The following BPIFB1 variants were observed in gnomAD, a reference collection of about 807,000 sequenced individuals.
BPIFB1 encodes the protein BPI fold-containing family B member 1.
BPIFB1 carries 34 observed loss-of-function variants against 55.1 expected under a neutral mutation model. The observed-to-expected ratio is 0.62, with a 90% CI of 0.47 to 0.82. The LOEUF (loss-of-function observed/expected upper bound fraction) is 0.82. Among genes scored for constraint, BPIFB1 ranks in the 40% least tolerant of loss-of-function variants. The probability of loss-of-function intolerance (pLI) is 0.00; values close to 1 mark genes in which losing one functional copy is unlikely to be tolerated. For missense variants in BPIFB1, 532 were observed against 593.1 expected (o/e 0.90, Z 1.07); for synonymous variants, 236 against 245.3 (o/e 0.96, Z 0.35).
intron 7 of BPIFB1, among the ~76,000 whole-genome samples, chr20:33,298,291 G>A (rs530915827): frequency 6.6e-6 from 1 of 152,312 alleles, no homozygotes; most frequent in South Asian, 2.1e-4. Context: ...GAGATGATTC[G>A]AAGGGCAAAG....
chr20:33,303,344 T>C (rs543624849), intron 11 of BPIFB1, among the ~76,000 whole-genome samples: 2 of 152,274 alleles, frequency 1.3e-5, no homozygotes, highest in African/African-American at 2.4e-5. Flanking sequence ...CTAGATGCTA[T>C]TGACTTCGGG....
chr20:33,292,677 A>C (rs1250179767), intron 6 of BPIFB1, among the ~76,000 whole-genome samples: 1 of 151,588 alleles, frequency 6.6e-6, no homozygotes, highest in Non-Finnish European at 1.5e-5. Flanking sequence ...TCAGGGCTGC[A>C]CCACCCACCA....
intron 6 of BPIFB1, among the ~76,000 whole-genome samples, 158 bp downstream of exon 6, chr20:33,292,146 G>A (rs1021129974): frequency 6.6e-6 from 1 of 152,228 alleles, no homozygotes; most frequent in Admixed American, 6.5e-5. Context: ...GGAGTGGGGT[G>A]GGCCATTGAC....
intron 2 of BPIFB1, among the ~76,000 whole-genome samples, chr20:33,286,826 C>A (rs1374501718): frequency 9.9e-5 from 15 of 152,252 alleles, no homozygotes; most frequent in African/African-American, 3.6e-4. Flanking sequence ...CCTAACCCAA[C>A]TGTGACAACC....
intron 8 of BPIFB1, 60 bp from the exon 9 acceptor site, chr20:33,301,173 T>G: frequency 6.6e-7 from 1 of 1,504,294 alleles, no homozygotes. Context: ...CCTTCTAGGT[T>G]GCTATTGGGT....
intron 5 of BPIFB1, among the ~76,000 whole-genome samples, chr20:33,291,603 G>C (rs896737896): frequency 1.3e-5 from 2 of 152,194 alleles, no homozygotes; most frequent in African/African-American, 2.4e-5. Context: ...GCGCATGGTG[G>C]TGCCAAAAAA....
Position 33,309,766 on chromosome 20 carries a change from G to A in BPIFB1, c.1454G>A (p.Ter485=). 3.1e-6 allele frequency: 5 copies of A among 1,613,910 alleles called. No homozygotes were observed. The highest frequency in any genetic ancestry group is 4.2e-6 in the Non-Finnish European group (5 of 1,179,764). The change falls in exon 16 of 16, where the codon TGA becomes TAA. Residue 485 remains the stop codon, a stop_retained_variant. Coordinates refer to ENST00000253354, the MANE Select transcript of BPIFB1 (RefSeq NM_033197.3). The surrounding 1 kb of genome is among the most constrained non-coding windows in gnomAD (Gnocchi z 4.4). ...LWKPSSPVSQ[*] Reference sequence around the variant, plus strand: ...AAACCCAGCTCTCCTGTCTCCCAGTGAAGACTTGGATGGCAGCCATCAGGG... The same window carrying A: ...AAACCCAGCTCTCCTGTCTCCCAGTAAAGACTTGGATGGCAGCCATCAGGG...
intron 6 of BPIFB1, among the ~76,000 whole-genome samples, chr20:33,293,120 G>A (rs1013491041): frequency 2.6e-5 from 4 of 152,070 alleles, no homozygotes; most frequent in East Asian, 1.9e-4. Flanking sequence ...CAAGGTTTTC[G>A]CCATGTTGGC....
intron 6 of BPIFB1, among the ~76,000 whole-genome samples, chr20:33,296,156 G>A (rs1980647111): frequency 6.6e-6 from 1 of 152,186 alleles, no homozygotes; most frequent in African/African-American, 2.4e-5. Context: ...TAGTATCCCA[G>A]AGGACTCTAC....
At chr20:33,299,218 C>A (rs1980762432) in intron 7 of BPIFB1, 3 of 455,006 alleles carry the variant, frequency 6.6e-6, no homozygotes, top group Non-Finnish European at 1.3e-5. Flanking sequence ...CCGGAGGTCT[C>A]CCTGGAGCGG....
chr20:33,288,622 C>T, intron 2 of BPIFB1, 119 bp from the exon 3 acceptor site: 1 of 1,214,748 alleles, frequency 8.2e-7, no homozygotes, highest in Non-Finnish European at 1.2e-6. Context: ...GTAGAGATGG[C>T]TACACCCTCG....
chr20:33,283,493 T>C (rs888844872), intron 1 of BPIFB1, among the ~76,000 whole-genome samples: 7 of 152,160 alleles, frequency 4.6e-5, no homozygotes, highest in Non-Finnish European at 8.8e-5. Flanking sequence ...GACCTCTTCC[T>C]AGTGACATAA....
chr20:33,292,018 T>C lies in BPIFB1; in HGVS notation c.597+30T>C, dbSNP rs940203184. The C allele has an allele frequency of 2.7e-5, 44 of 1,601,498 alleles. No individual in the cohort carries two copies. In the African/African-American group the frequency reaches 2.8e-4, roughly 10 times the overall value. On this transcript the variant is annotated intron_variant, in intron 6 of 15. Transcript: ENST00000253354. Reference sequence around the variant, plus strand: ...GTGGAATCAGGGCCTCTCTGGCCTGTGGGCATTGCGCCCCCTGTGGGGCTT... The same window carrying C: ...GTGGAATCAGGGCCTCTCTGGCCTGCGGGCATTGCGCCCCCTGTGGGGCTT...
At chr20:33,291,194 C>T (rs546301094) in intron 5 of BPIFB1, 88 bp downstream of exon 5, 51 of 1,494,370 alleles carry the variant, frequency 3.4e-5, no homozygotes, top group Middle Eastern at 1.7e-4. Flanking sequence ...AAATGGAGAA[C>T]GCTGAGGCCT....
rs1217224622 is a variant in BPIFB1, at chr20:33,299,769, T to C, written c.662-130T>C. ...ACTGTTTGCATCATTATTATCAACATCATTATTACCTGCTCCTCCCTACCT... is the reference window on the plus strand; with the variant it reads ...ACTGTTTGCATCATTATTATCAACACCATTATTACCTGCTCCTCCCTACCT... On this transcript the variant is annotated intron_variant, in intron 7 of 15. Coordinates refer to ENST00000253354, the MANE Select transcript of BPIFB1 (RefSeq NM_033197.3). 4 of 703,758 alleles carry C rather than the reference T, an allele frequency of 5.7e-6. No homozygotes were observed. The African/African-American group carries it at 7.0e-5, about 12-fold the overall frequency. 43.6% of individuals were successfully genotyped at this position (703,758 alleles called of 1,614,324 possible). A position where few individuals can be genotyped will look rare whatever the true frequency, so the allele number is the denominator to read the frequency against.
rs970814448 is a variant in BPIFB1, at chr20:33,301,217, T to G, written c.748-16T>G. On this transcript the variant is annotated splice_polypyrimidine_tract_variant and intron_variant, in intron 8 of 15. Transcript: ENST00000253354. Reference sequence around the variant, plus strand: ...GAGTTAAAATTCTTAGCTGACTCCCTGCTCTGTCTCCTCAGGCCAAGTTGT... The same window carrying G: ...GAGTTAAAATTCTTAGCTGACTCCCGGCTCTGTCTCCTCAGGCCAAGTTGT... The G allele has an allele frequency of 1.2e-6, 2 of 1,610,792 alleles. No individual in the cohort carries two copies.
Position 33,287,345 on chromosome 20 carries a change from G to T in BPIFB1, c.115+1157G>T, listed in dbSNP as rs527874212. On this transcript the variant is annotated intron_variant, in intron 2 of 15. Transcript: ENST00000253354. ...TGTCCAAGCCAGTTACCACTGTGGC[G>T]ACTGAAGCTCAGTCCTGCCTAGCAA... 3.4e-4 allele frequency among the ~76,000 whole-genome samples: 52 copies of T among 152,312 alleles called. 1 individual carries two copies. Among genetic ancestry groups the T allele is most frequent in the African/African-American group, 1.3e-3 (52 of 41,570 alleles).
At chr20:33,286,831 A>G (rs770257838) in intron 2 of BPIFB1, among the ~76,000 whole-genome samples, 1 of 152,246 alleles carries the variant, frequency 6.6e-6, no homozygotes, top group Non-Finnish European at 1.5e-5. Flanking sequence ...CCCAACTGTG[A>G]CAACCAAAAA....
chr20:33,301,302 C>T lies in BPIFB1; in HGVS notation c.817C>T (p.Pro273Ser). ...TAACTCTGCAGCTTCCCTGACAATG[C>T]CCACCCTGGACAACATCCCGTTCAG... ...FNNSAASLTM[P>S]TLDNIPFSLI... is the part of the protein sequence containing the mutation. Residue 273 changes from proline to serine, a missense_variant, in exon 9 of 16, where the codon CCC becomes TCC. Pro to Ser is a moderately conservative substitution (Grantham distance 74, BLOSUM62 -1). Transcript: ENST00000253354. 2 of 1,614,190 alleles carry T rather than the reference C, an allele frequency of 1.2e-6. No homozygotes were observed. The highest frequency in any genetic ancestry group is 1.7e-6 in the Non-Finnish European group (2 of 1,180,046).
Sources: gnomAD v4.1 joint callset for allele counts (sites outside exome capture counted in the v4.1 genomes callset) on GRCh38, gnomAD v4.1.1 for gene constraint, Gnocchi (gnomAD v3.1) non-coding constraint, MANE v1.5 for transcripts, NCBI Gene and HGNC (gene_info 2026-07-23, HGNC 2026-07-21) for gene names.